The following PLGRKT variants were observed in gnomAD, a reference collection of about 807,000 sequenced individuals.
PLGRKT encodes the protein plasminogen receptor with a C-terminal lysine.
A neutral mutation model predicts 18.5 loss-of-function variants in PLGRKT; 22 were observed. That is an observed-to-expected ratio of 1.19 (90% CI 0.85 to 1.70). The LOEUF is 1.70. Ranked by LOEUF, PLGRKT falls within the 40% of genes most tolerant of loss-of-function variation. The pLI, the probability that PLGRKT is intolerant of heterozygous loss-of-function variation, is 0.00. For missense variants in PLGRKT, 235 were observed against 174.4 expected (o/e 1.35, Z -1.96); for synonymous variants, 72 against 52.8 (o/e 1.36, Z -1.58).
chr9:5,395,273 A>G (rs922429829), intron 3 of PLGRKT, among the ~76,000 whole-genome samples: 17 of 151,972 alleles, frequency 1.1e-4, no homozygotes, highest in Non-Finnish European at 2.5e-4. Flanking sequence ...GGATTTGAGT[A>G]AAGTTACTGA....
intron 3 of PLGRKT, among the ~76,000 whole-genome samples, chr9:5,367,118 T>G (rs1424698473): frequency 6.7e-6 from 1 of 149,176 alleles, no homozygotes; most frequent in Admixed American, 6.7e-5. Flanking sequence ...GAAAGAACAT[T>G]CCACGCTCAT....
intron 3 of PLGRKT, chr9:5,382,046 A>T (rs1817757406): frequency 2.0e-6 from 2 of 979,766 alleles, no homozygotes; most frequent in African/African-American, 1.7e-5. Flanking sequence ...AAAAAAAGTC[A>T]TATTAGCCTC....
At chr9:5,409,365 G>T (rs187502880) in intron 3 of PLGRKT, among the ~76,000 whole-genome samples, 1 of 152,206 alleles carries the variant, frequency 6.6e-6, no homozygotes, top group South Asian at 2.1e-4. Context: ...TTAGACTGGC[G>T]TAGCCTCCTG....
In PLGRKT at chr9:5,431,929, T is replaced by G. The variant is rs1488815217; in HGVS notation, c.49A>C (p.Lys17Gln). 1 of 1,552,362 alleles carries G rather than the reference T, an allele frequency of 6.4e-7. No homozygotes were observed. Among genetic ancestry groups the G allele is most frequent in the Admixed American group, 1.7e-5 (1 of 59,604 alleles). ...CGAGCATTCATAAGCATGAACTCCT[T>G]TTGATTTTTCATGCTTTCATTCATA... is the stretch of plus-strand genomic sequence containing the variant. ...KSMNESMKNQKEFMLMNARLQ... is the reference protein window; with the variant it reads ...KSMNESMKNQQEFMLMNARLQ... The change falls in exon 3 of 6, where the codon AAG becomes CAG. Residue 17 changes from lysine (K) to glutamine (Q), a missense_variant. Coordinates refer to ENST00000223864, the MANE Select transcript of PLGRKT (RefSeq NM_018465.4).
At chr9:5,358,928 G>C (rs535662109) in intron 5 of PLGRKT, among the ~76,000 whole-genome samples, 33 of 152,222 alleles carry the variant, frequency 2.2e-4, no homozygotes, top group African/African-American at 7.0e-4. Context: ...AGTGACATTT[G>C]CCAGGTTTTA....
intron 3 of PLGRKT, among the ~76,000 whole-genome samples, chr9:5,409,233 T>C (rs1013637755): frequency 6.6e-6 from 1 of 152,206 alleles, no homozygotes; most frequent in African/African-American, 2.4e-5. Context: ...TGTGAGGGTG[T>C]TGCCAAAGGA....
At chr9:5,421,300 C>T (rs1818571565) in intron 3 of PLGRKT, among the ~76,000 whole-genome samples, 1 of 152,222 alleles carries the variant, frequency 6.6e-6, no homozygotes, top group Non-Finnish European at 1.5e-5. Context: ...TGTCATTTCC[C>T]TCAAGGCTCT....
chr9:5,372,337 G>A (rs1415561720), intron 3 of PLGRKT, among the ~76,000 whole-genome samples: 3 of 152,110 alleles, frequency 2.0e-5, no homozygotes, highest in Non-Finnish European at 2.9e-5. Context: ...CACAGTATAT[G>A]CAAGTTACAT....
intron 3 of PLGRKT, among the ~76,000 whole-genome samples, chr9:5,395,213 G>C (rs1384244075): frequency 6.6e-6 from 1 of 151,696 alleles, no homozygotes; most frequent in Non-Finnish European, 1.5e-5. Context: ...TCGACAACTA[G>C]TGGTAGTTAA....
At chr9:5,424,438 A>AAATAT (rs747360884) in intron 3 of PLGRKT, among the ~76,000 whole-genome samples, 28,493 of 118,444 alleles carry the variant, frequency 0.24, 3,630 homozygotes, top group Non-Finnish European at 0.29. Flanking sequence ...ACATATTATA[A>AAATAT]AATATATTAT....
intron 3 of PLGRKT, among the ~76,000 whole-genome samples, chr9:5,431,372 A>G (rs922117632): frequency 1.3e-5 from 2 of 152,006 alleles, no homozygotes; most frequent in African/African-American, 4.8e-5. Flanking sequence ...TGTCTCTATT[A>G]AAAATACAAA....
At chr9:5,390,253 ATAT>A (rs1817924119) in intron 3 of PLGRKT, among the ~76,000 whole-genome samples, 1 of 151,246 alleles carries the variant, frequency 6.6e-6, no homozygotes, top group African/African-American at 2.4e-5. Context: ...ATATATATAT[ATAT>A]ATTTGCCTTT....
chr9:5,386,844 C>T (rs939225107), intron 3 of PLGRKT, among the ~76,000 whole-genome samples: 2 of 151,946 alleles, frequency 1.3e-5, no homozygotes, highest in Non-Finnish European at 2.9e-5. Context: ...CACACAGGAA[C>T]CCTATGACTG....
At chr9:5,367,817 G>GA (rs1391114926) in intron 3 of PLGRKT, among the ~76,000 whole-genome samples, 1 of 151,954 alleles carries the variant, frequency 6.6e-6, no homozygotes, top group Non-Finnish European at 1.5e-5. Flanking sequence ...CAGAATGGGA[G>GA]AAAATATTTG....
intron 3 of PLGRKT, among the ~76,000 whole-genome samples, chr9:5,424,030 A>G (rs1049878760): frequency 5.5e-4 from 80 of 145,634 alleles, no homozygotes; most frequent in Non-Finnish European, 1.0e-3. Context: ...TATGACATAT[A>G]TTGTATATAC....
intron 3 of PLGRKT, among the ~76,000 whole-genome samples, chr9:5,410,832 A>G (rs1309311443): frequency 6.6e-6 from 1 of 152,196 alleles, no homozygotes; most frequent in Non-Finnish European, 1.5e-5. Context: ...ACAAATGAAC[A>G]ATAAAATTTT....
At chr9:5,389,440 A>G (rs1474324699) in intron 3 of PLGRKT, among the ~76,000 whole-genome samples, 2 of 151,888 alleles carry the variant, frequency 1.3e-5, no homozygotes, top group African/African-American at 4.9e-5. Context: ...TCTAGCTGAT[A>G]GTGCCAGGTC....
At chr9:5,432,077 A>T (rs1044140658) in intron 2 of PLGRKT, 94 bp from the exon 3 acceptor site, 3 of 282,646 alleles carry the variant, frequency 1.1e-5, no homozygotes, top group Non-Finnish European at 2.1e-5. Context: ...ATGACAAAGT[A>T]AAAAAAAAAA....
At chr9:5,436,223 G>A (rs973456753) in intron 2 of PLGRKT, among the ~76,000 whole-genome samples, 1 of 152,218 alleles carries the variant, frequency 6.6e-6, no homozygotes, top group African/African-American at 2.4e-5. Flanking sequence ...GAGGTTAGGA[G>A]CGAGATATTA....
Sources: gnomAD v4.1 joint callset for allele counts (sites outside exome capture counted in the v4.1 genomes callset) on GRCh38, gnomAD v4.1.1 for gene constraint, MANE v1.5 for transcripts, NCBI Gene and HGNC (gene_info 2026-07-23, HGNC 2026-07-21) for gene names.